The following SMC5 variants were observed in gnomAD, a reference collection of about 807,000 sequenced individuals.
SMC5 encodes the protein structural maintenance of chromosomes protein 5.
Under a neutral mutation model 148.3 loss-of-function variants are expected in SMC5, and 88 were observed. The ratio of observed to expected loss-of-function variants is 0.59; its 90% CI spans 0.50 to 0.71. The LOEUF (loss-of-function observed/expected upper bound fraction) is 0.71, where lower values mean the gene tolerates loss of function less well. SMC5 is among the 30% of genes least tolerant of loss of function. The pLI is 0.00. For missense variants in SMC5, 1,142 were observed against 1,298.9 expected, an observed-to-expected ratio of 0.88 and a Z score of 1.86; for synonymous variants, 421 against 432.8, an observed-to-expected ratio of 0.97 and a Z score of 0.34.
chr9:70,314,681 A>G (rs2035748836), intron 11 of SMC5, 61 bp from the exon 12 acceptor site: 1 of 847,492 alleles, frequency 1.2e-6, no homozygotes, highest in Non-Finnish European at 1.8e-6. Flanking sequence ...TGGTAACTAT[A>G]AATCATTTCA....
intron 17 of SMC5, among the ~76,000 whole-genome samples, chr9:70,337,556 A>G (rs1196662915): frequency 6.7e-6 from 1 of 148,566 alleles, no homozygotes; most frequent in Non-Finnish European, 1.5e-5. Flanking sequence ...CCTGGGTTCA[A>G]GTGATTCTCC....
At chr9:70,306,086 A>T (rs1410574929) in intron 11 of SMC5, among the ~76,000 whole-genome samples, 1 of 152,230 alleles carries the variant, frequency 6.6e-6, no homozygotes, top group Non-Finnish European at 1.5e-5. Context: ...TATAACCTAC[A>T]TAATATGTAG....
chr9:70,300,600 T>C (rs905582338), intron 10 of SMC5, among the ~76,000 whole-genome samples: 4 of 152,104 alleles, frequency 2.6e-5, no homozygotes, highest in African/African-American at 9.7e-5. Flanking sequence ...GAAAATCACC[T>C]GCTACAAAGA....
chr9:70,318,249 G>A (rs970305672), intron 13 of SMC5, among the ~76,000 whole-genome samples: 5 of 152,080 alleles, frequency 3.3e-5, no homozygotes, highest in Admixed American at 6.5e-5. Flanking sequence ...TTAACCAGGC[G>A]TGGTGGCACA....
intron 7 of SMC5, 97 bp downstream of exon 7, chr9:70,282,680 T>A (rs2034784164): frequency 8.2e-7 from 1 of 1,222,558 alleles, no homozygotes. Flanking sequence ...AGGGTTTTCT[T>A]GTATCTTTCA....
chr9:70,262,957 G>A (rs1329351530), intron 1 of SMC5, among the ~76,000 whole-genome samples: 2 of 147,264 alleles, frequency 1.4e-5, no homozygotes. Context: ...GCCTACCCCC[G>A]CCAAAAAAAA....
chr9:70,287,235 GT>G (rs1450267568), intron 8 of SMC5, among the ~76,000 whole-genome samples: 1 of 151,710 alleles, frequency 6.6e-6, no homozygotes, highest in Non-Finnish European at 1.5e-5. Flanking sequence ...AGTTTTTAAA[GT>G]TTTTTTTCCT....
intron 1 of SMC5, among the ~76,000 whole-genome samples, chr9:70,261,604 G>A (rs1342758236): frequency 1.3e-5 from 2 of 152,324 alleles, no homozygotes; most frequent in East Asian, 3.9e-4. Flanking sequence ...GTAGGAGTCT[G>A]GAGCTTAGAG....
chr9:70,344,710 A>AT (rs2036621012), intron 18 of SMC5: 1 of 152,072 alleles, frequency 6.6e-6, no homozygotes, highest in South Asian at 2.1e-4. Context: ...TTTCCATTAT[A>AT]TTTTTTATCC....
intron 3 of SMC5, among the ~76,000 whole-genome samples, chr9:70,274,608 T>C (rs2034539043): frequency 6.6e-6 from 1 of 152,074 alleles, no homozygotes. Flanking sequence ...ATAATCAATT[T>C]ACAAATATAT....
At chr9:70,346,394 G>A (rs552414894) in intron 18 of SMC5, 3 of 594,378 alleles carry the variant, frequency 5.0e-6, no homozygotes, top group South Asian at 4.3e-5. Context: ...GCCAAACAAT[G>A]TACTGATTGC....
intron 17 of SMC5, among the ~76,000 whole-genome samples, chr9:70,340,250 C>T (rs1291351124): frequency 6.6e-6 from 1 of 151,578 alleles, no homozygotes; most frequent in Admixed American, 6.6e-5. Flanking sequence ...TGCCTACCTG[C>T]TTGCCACTCC....
At chr9:70,294,422 A>G (rs143783989) in intron 8 of SMC5, among the ~76,000 whole-genome samples, 186 of 152,332 alleles carry the variant, frequency 1.2e-3, no homozygotes, top group African/African-American at 4.3e-3. Context: ...AGGTTTAATT[A>G]GAACTGGGCT....
At chr9:70,289,329 C>T (rs889357450) in intron 8 of SMC5, among the ~76,000 whole-genome samples, 3 of 152,158 alleles carry the variant, frequency 2.0e-5, no homozygotes, top group Admixed American at 6.5e-5. Flanking sequence ...TGAGCTACCG[C>T]ACCTGGCCTG....
intron 6 of SMC5, 97 bp downstream of exon 6, chr9:70,280,996 T>G (rs1371296696): frequency 2.2e-6 from 3 of 1,381,650 alleles, no homozygotes; most frequent in African/African-American, 1.5e-5. Flanking sequence ...GTTAGGTGCT[T>G]CTTTTTCATT....
intron 3 of SMC5, among the ~76,000 whole-genome samples, chr9:70,269,094 C>T (rs372692793): frequency 5.9e-5 from 9 of 151,898 alleles, no homozygotes; most frequent in East Asian, 3.9e-4. Flanking sequence ...GATGAGGAAA[C>T]GTTCTTTTAT....
Position 70,343,309 on chromosome 9 carries a change from T to A in SMC5, c.2398-835T>A, listed in dbSNP as rs564894692. 2.0e-4 allele frequency among the ~76,000 whole-genome samples: 31 copies of A among 152,194 alleles called. 1 individual carries two copies. Among genetic ancestry groups the A allele is most frequent in the Non-Finnish European group, 3.8e-4 (26 of 68,032 alleles). On this transcript the variant is annotated intron_variant, in intron 17 of 24. Coordinates refer to ENST00000361138, the MANE Select transcript of SMC5 (RefSeq NM_015110.4). ...TTATGATAATGATCCTGTGTCCTTA[T>A]TCACCTTTCTGTGACCAATGCGGAT...
chr9:70,298,204 T>C lies in SMC5; in HGVS notation c.1292T>C (p.Leu431Pro). ...IIDKRRERET[L>P]EKEKKSVDDH... Reference sequence around the variant, plus strand: ...GATAAGCGAAGAGAGAGGGAAACTCTAGAGAAGGAGAAAAAGAGTAAGTTT... The same window carrying C: ...GATAAGCGAAGAGAGAGGGAAACTCCAGAGAAGGAGAAAAAGAGTAAGTTT... The change falls in exon 9 of 25, where the codon CTA (leucine) becomes CCA (proline). Residue 431 changes from leucine to proline, a missense_variant. Physicochemically the swap from Leu to Pro is moderately conservative, Grantham distance 98. Coordinates refer to ENST00000361138, the MANE Select transcript of SMC5 (RefSeq NM_015110.4). The C allele has an allele frequency of 1.2e-5, 19 of 1,611,492 alleles. No individual in the cohort carries two copies. The highest frequency in any genetic ancestry group is 1.6e-5 in the Non-Finnish European group (19 of 1,179,226).
intron 18 of SMC5, 184 bp downstream of exon 18, chr9:70,344,453 A>C (rs923136873): frequency 5.1e-5 from 13 of 252,496 alleles, no homozygotes; most frequent in Non-Finnish European, 9.0e-5. Context: ...GATCAATGGT[A>C]TTGGTACTAT....
Sources: gnomAD v4.1 joint callset for allele counts (sites outside exome capture counted in the v4.1 genomes callset) on GRCh38, gnomAD v4.1.1 for gene constraint, MANE v1.5 for transcripts, NCBI Gene and HGNC (gene_info 2026-07-23, HGNC 2026-07-21) for gene names.